The following SEMA3A variants were observed in gnomAD, a reference collection of about 807,000 sequenced individuals.
The protein encoded by SEMA3A is semaphorin-3A.
In SEMA3A, 29 loss-of-function variants were observed where a neutral mutation model predicts 97.9. The ratio of observed to expected loss-of-function variants is 0.30; its 90% confidence interval spans 0.22 to 0.40. SEMA3A has a LOEUF of 0.40. Among genes scored for constraint, SEMA3A ranks in the 10% least tolerant of loss-of-function variants. The pLI is 1.00. For synonymous variants in SEMA3A, 321 were observed against 323.7 expected (o/e 0.99, Z 0.09); for missense variants, 763 against 951.3 (o/e 0.80, Z 2.60).
intron 5 of SEMA3A, among the ~76,000 whole-genome samples, chr7:84,059,670 A>T (rs2066803834): frequency 6.6e-6 from 1 of 151,946 alleles, no homozygotes; most frequent in African/African-American, 2.4e-5. Flanking sequence ...AAAGGTACAT[A>T]ATTTCTACAC....
chr7:84,032,066 A>G (rs1273225837), intron 6 of SEMA3A, among the ~76,000 whole-genome samples: 1 of 152,190 alleles, frequency 6.6e-6, no homozygotes, highest in Non-Finnish European at 1.5e-5. Flanking sequence ...AGTGAAATAA[A>G]AAGTTAATTT....
At chr7:83,971,585 T>A (rs942089273) in intron 15 of SEMA3A, among the ~76,000 whole-genome samples, 1 of 152,182 alleles carries the variant, frequency 6.6e-6, no homozygotes, top group African/African-American at 2.4e-5. Flanking sequence ...TAGTATGACA[T>A]TTTCACCAAT....
intron 1 of SEMA3A, among the ~76,000 whole-genome samples, chr7:84,486,859 T>C (rs920336037): frequency 1.3e-5 from 2 of 152,098 alleles, no homozygotes; most frequent in South Asian, 2.1e-4. Context: ...TTATGTAGCA[T>C]GTAAAATTCA....
intron 1 of SEMA3A, among the ~76,000 whole-genome samples, chr7:84,431,823 G>A (rs527442574): frequency 1.1e-3 from 173 of 151,584 alleles, no homozygotes; most frequent in Non-Finnish European, 2.1e-3. Context: ...CCTTCAAAGA[G>A]TTTACAGTTG....
intron 1 of SEMA3A, among the ~76,000 whole-genome samples, chr7:84,175,017 C>A (rs756858979): frequency 6.6e-6 from 1 of 151,896 alleles, no homozygotes; most frequent in Non-Finnish European, 1.5e-5. Flanking sequence ...AATGAGTATG[C>A]GTAATTGAAC....
intron 3 of SEMA3A, among the ~76,000 whole-genome samples, chr7:84,224,959 C>CA (rs1257903446): frequency 1.3e-4 from 20 of 151,886 alleles, no homozygotes; most frequent in African/African-American, 4.8e-4. Flanking sequence ...TTATAGCCCC[C>CA]CCTAGTATAT....
At chr7:83,981,291 C>T (rs763983106) in intron 14 of SEMA3A, 30 bp downstream of exon 14, 2 of 1,607,858 alleles carry the variant, frequency 1.2e-6, no homozygotes, top group South Asian at 1.1e-5. Flanking sequence ...AACTAGCAAA[C>T]ATTTCATTTA....
intron 1 of SEMA3A, among the ~76,000 whole-genome samples, chr7:84,396,578 A>G (rs1803738765): frequency 6.6e-6 from 1 of 151,960 alleles, no homozygotes; most frequent in Admixed American, 6.6e-5. Flanking sequence ...TGTAAGAACT[A>G]CTATCTTTCA....
At chr7:84,213,974 A>G (rs534675605) in intron 3 of SEMA3A, among the ~76,000 whole-genome samples, 67 of 152,328 alleles carry the variant, frequency 4.4e-4, no homozygotes, top group African/African-American at 1.5e-3. Context: ...TCATCTGCTT[A>G]TAAGAAGAGA....
chr7:84,429,129 G>A (rs1804901252), intron 1 of SEMA3A, among the ~76,000 whole-genome samples: 1 of 151,898 alleles, frequency 6.6e-6, no homozygotes, highest in African/African-American at 2.4e-5. Flanking sequence ...GATAATTCAG[G>A]CTGAGATCAA....
chr7:84,221,273 G>T (rs944841394), intron 3 of SEMA3A, among the ~76,000 whole-genome samples: 3 of 152,036 alleles, frequency 2.0e-5, no homozygotes, highest in African/African-American at 7.2e-5. Context: ...ATTAGACTTT[G>T]GCTTAAGAAA....
intron 3 of SEMA3A, among the ~76,000 whole-genome samples, chr7:84,243,485 T>G (rs1234661016): frequency 6.6e-6 from 1 of 152,216 alleles, no homozygotes; most frequent in Non-Finnish European, 1.5e-5. Flanking sequence ...GTGGGATCAG[T>G]GGTGATCTCC....
At chr7:84,308,906 C>T (rs1801238861) in intron 2 of SEMA3A, among the ~76,000 whole-genome samples, 1 of 151,772 alleles carries the variant, frequency 6.6e-6, no homozygotes, top group African/African-American at 2.4e-5. Flanking sequence ...CAATCTCCGC[C>T]TCCCGGGTTC....
intron 15 of SEMA3A, among the ~76,000 whole-genome samples, chr7:83,976,537 A>G (rs1299177023): frequency 6.6e-6 from 1 of 151,186 alleles, no homozygotes; most frequent in Non-Finnish European, 1.5e-5. Context: ...AGGTTGGTTG[A>G]TGTTTCTGCA....
chr7:84,469,624 TA>T (rs1388739409), intron 1 of SEMA3A, among the ~76,000 whole-genome samples: 3 of 152,154 alleles, frequency 2.0e-5, no homozygotes, highest in African/African-American at 7.2e-5. Context: ...TCTGTTAACC[TA>T]AATCATTGTC....
At chr7:84,271,975 T>G (rs1298354535) in intron 3 of SEMA3A, among the ~76,000 whole-genome samples, 1 of 152,240 alleles carries the variant, frequency 6.6e-6, no homozygotes, top group East Asian at 1.9e-4. Context: ...GTCTGTTTAC[T>G]TGCCACCGTC....
intron 3 of SEMA3A, among the ~76,000 whole-genome samples, chr7:84,248,397 C>T (rs2115597203): frequency 6.6e-6 from 1 of 152,234 alleles, no homozygotes; most frequent in South Asian, 2.1e-4. Context: ...TGCTATATGC[C>T]CGGCATGCAA....
chr7:84,058,230 A>G (rs984032542), intron 5 of SEMA3A, among the ~76,000 whole-genome samples: 2 of 152,168 alleles, frequency 1.3e-5, no homozygotes, highest in Non-Finnish European at 2.9e-5. Context: ...ATTTGTACCA[A>G]TGAGGAAGGT....
At chr7:84,427,078 A>T (rs1804846420) in intron 1 of SEMA3A, among the ~76,000 whole-genome samples, 1 of 152,114 alleles carries the variant, frequency 6.6e-6, no homozygotes, top group Non-Finnish European at 1.5e-5. Flanking sequence ...AATAATGTTA[A>T]CGCAATTCTG....
Sources: allele counts gnomAD v4.1 joint callset (sites outside exome capture counted in the v4.1 genomes callset), GRCh38; gene constraint gnomAD v4.1.1; transcripts MANE v1.5; gene names NCBI Gene and HGNC (gene_info 2026-07-23, HGNC 2026-07-21).